The following IRAK1BP1 variants were observed in gnomAD, a reference collection of about 807,000 sequenced individuals.
The protein encoded by IRAK1BP1 is interleukin-1 receptor-associated kinase 1-binding protein 1.
Under a neutral mutation model 28.0 loss-of-function variants are expected in IRAK1BP1, and 24 were observed. The observed-to-expected ratio is 0.86, with a 90% CI of 0.62 to 1.20. IRAK1BP1 has a LOEUF of 1.20. Among genes scored for constraint, IRAK1BP1 ranks in the 50% most tolerant of loss-of-function variants. The pLI, the probability that IRAK1BP1 is intolerant of heterozygous loss-of-function variation, is 0.00. For missense variants in IRAK1BP1, 336 were observed against 316.7 expected (o/e 1.06, Z -0.46); for synonymous variants, 131 against 116.3 (o/e 1.13, Z -0.81).
At chr6:78,907,042 G>A (rs2127659603), downstream of IRAK1BP1, among the ~76,000 whole-genome samples, 1 of 152,252 alleles carries the variant, frequency 6.6e-6, no homozygotes, top group South Asian at 2.1e-4. Context: ...TGATACAGCT[G>A]CTAGGAGAAC....
At position 78,923,019 on chromosome 6, in the gene IRAK1BP1, C is replaced by T. The variant is rs1004009432; in HGVS notation, c.*67+19909C>T. 5.4e-4 allele frequency among the ~76,000 whole-genome samples: 82 copies of T among 152,072 alleles called. 3 individuals are homozygous for T. Among genetic ancestry groups the T allele is most frequent in the Non-Finnish European group, 2.9e-4 (20 of 68,004 alleles). ...GCTAGGAAGAAAATGCATCAACTAA[C>T]GAGCAAAATAACCAGCTAACATCAT... On this transcript the variant is annotated intron_variant and NMD_transcript_variant, in intron 4 of 4. Transcript: ENST00000606868.
chr6:78,880,874 A>G (rs1424437389), intron 1 of IRAK1BP1, among the ~76,000 whole-genome samples: 1 of 152,220 alleles, frequency 6.6e-6, no homozygotes, highest in East Asian at 1.9e-4. Flanking sequence ...TAACACTGAT[A>G]CCAAATGCTG....
chr6:78,913,340 A>T (rs1772476043), intron 4 of IRAK1BP1, among the ~76,000 whole-genome samples: 1 of 150,698 alleles, frequency 6.6e-6, no homozygotes, highest in South Asian at 2.1e-4. Context: ...GTTTCAAAAA[A>T]AAAAAAGTAC....
chr6:78,952,758 C>T, the IRAK1BP1 span, among the ~76,000 whole-genome samples: 2 of 152,092 alleles, frequency 1.3e-5, no homozygotes, highest in Non-Finnish European at 2.9e-5. Context: ...TATGTCTTCA[C>T]TCTTTTCCTC....
intron 4 of IRAK1BP1, among the ~76,000 whole-genome samples, chr6:78,912,969 A>G (rs1772466079): frequency 6.6e-6 from 1 of 152,146 alleles, no homozygotes; most frequent in African/African-American, 2.4e-5. Flanking sequence ...ATCTATAAGC[A>G]TATATATGTG....
At chr6:78,870,706 T>G (rs982955294) in intron 1 of IRAK1BP1, among the ~76,000 whole-genome samples, 2 of 152,104 alleles carry the variant, frequency 1.3e-5, no homozygotes, top group South Asian at 2.1e-4. Context: ...TTCATTTTTG[T>G]TTTTGGTTTT....
At chr6:78,964,751 A>T in the IRAK1BP1 span, among the ~76,000 whole-genome samples, 2 of 152,174 alleles carry the variant, frequency 1.3e-5, no homozygotes, top group African/African-American at 4.8e-5. Flanking sequence ...TCAGCCTCTC[A>T]AAGTGCTGGG....
At position 78,878,910 on chromosome 6, in the gene IRAK1BP1, G is replaced by A. The variant is rs185581786; in HGVS notation, c.316-6468G>A. Among the ~76,000 whole-genome samples the A allele has an allele frequency of 1.6e-3, 251 of 152,284 alleles. 2 individuals are homozygous for A. The highest frequency in any genetic ancestry group is 2.9e-3 in the South Asian group (14 of 4,824). On this transcript the variant is annotated intron_variant, in intron 1 of 3. Transcript: ENST00000369940. ...GGAAGAAAGGGTATCAGTGGTGGAA[G>A]ATCAAATGAATGAAATGAAGTGAGA...
downstream of IRAK1BP1, among the ~76,000 whole-genome samples, chr6:78,950,881 C>G (rs970281507): frequency 6.6e-6 from 1 of 151,666 alleles, no homozygotes; most frequent in African/African-American, 2.4e-5. Flanking sequence ...GTTGGCTTAC[C>G]TTTGGGTGAT....
the IRAK1BP1 span, among the ~76,000 whole-genome samples, chr6:78,959,125 G>A: frequency 6.6e-6 from 1 of 152,014 alleles, no homozygotes; most frequent in Non-Finnish European, 1.5e-5. Flanking sequence ...CTAACTAAAT[G>A]AGAATTATTT....
At chr6:78,873,982 G>C (rs530050131) in intron 1 of IRAK1BP1, among the ~76,000 whole-genome samples, 12 of 152,274 alleles carry the variant, frequency 7.9e-5, no homozygotes, top group Middle Eastern at 6.8e-3. Context: ...TGAAAGTCAA[G>C]TTGTAATATG....
At chr6:78,891,452 T>A (rs1026194993) in intron 2 of IRAK1BP1, among the ~76,000 whole-genome samples, 9 of 149,634 alleles carry the variant, frequency 6.0e-5, no homozygotes, top group Admixed American at 6.9e-5. Flanking sequence ...ATAACCTTAG[T>A]GTTTAGAGGA....
At chr6:78,914,417 A>T (rs187906995) in intron 4 of IRAK1BP1, among the ~76,000 whole-genome samples, 2 of 152,338 alleles carry the variant, frequency 1.3e-5, no homozygotes, top group African/African-American at 4.8e-5. Flanking sequence ...TTGCTGTTGC[A>T]TACCAGGGTT....
the IRAK1BP1 span, among the ~76,000 whole-genome samples, chr6:78,977,513 C>T: frequency 6.4e-4 from 97 of 152,154 alleles, 1 homozygote; most frequent in South Asian, 8.1e-3. Context: ...TACCCTAAAA[C>T]TTAAATTAAA....
At chr6:78,925,607 A>C (rs1772867002) in intron 4 of IRAK1BP1, among the ~76,000 whole-genome samples, 1 of 152,202 alleles carries the variant, frequency 6.6e-6, no homozygotes, top group Non-Finnish European at 1.5e-5. Context: ...AAATTAGTTC[A>C]ACCCCTGTGG....
At chr6:78,887,394 G>A (rs570892865) in intron 2 of IRAK1BP1, among the ~76,000 whole-genome samples, 16 of 152,196 alleles carry the variant, frequency 1.1e-4, no homozygotes, top group Middle Eastern at 6.8e-3. Context: ...GGCTGGGCGC[G>A]ATGGCTCTCA....
At chr6:78,868,473 A>G (rs1215057485) in intron 1 of IRAK1BP1, among the ~76,000 whole-genome samples, 3 of 152,188 alleles carry the variant, frequency 2.0e-5, no homozygotes, top group Non-Finnish European at 2.9e-5. Flanking sequence ...CGGCCTTCTT[A>G]GGTTTAACTT....
At chr6:78,917,394 A>G (rs1385624969) in intron 4 of IRAK1BP1, among the ~76,000 whole-genome samples, 3 of 152,098 alleles carry the variant, frequency 2.0e-5, no homozygotes, top group South Asian at 2.1e-4. Context: ...TTTAAAGAAC[A>G]AAGTCTTTGA....
intron 1 of IRAK1BP1, 34 bp downstream of exon 1, chr6:78,867,925 G>T: frequency 6.6e-7 from 1 of 1,511,716 alleles, no homozygotes; most frequent in South Asian, 1.3e-5. Flanking sequence ...ATAAGAGCCG[G>T]AAGACACAAA....
Sources: allele counts gnomAD v4.1 joint callset (sites outside exome capture counted in the v4.1 genomes callset), GRCh38; gene constraint gnomAD v4.1.1; transcripts MANE v1.5; gene names NCBI Gene and HGNC (gene_info 2026-07-23, HGNC 2026-07-21).